Variants in COP1 observed in about 807,000 individuals in gnomAD.
COP1 encodes COP1 E3 ubiquitin ligase.
In COP1, 24 loss-of-function variants were observed where a neutral mutation model predicts 101.3. The ratio of observed to expected loss-of-function variants is 0.24; its 90% CI spans 0.17 to 0.33. The LOEUF (loss-of-function observed/expected upper bound fraction) is 0.33. COP1 is among the 10% of genes least tolerant of loss of function. The pLI, the probability that COP1 is intolerant of heterozygous loss-of-function variation, is 1.00. For synonymous variants in COP1, 347 were observed against 341.9 expected (o/e 1.01, Z -0.17); for missense variants, 663 against 906.2 (o/e 0.73, Z 3.45).
rs139547674 is a variant in COP1 at position 176,062,939 on chromosome 1, T to C, written c.1278-16615A>G. 3.0e-3 allele frequency among the ~76,000 whole-genome samples: 463 copies of C among 152,182 alleles called. 2 individuals carry two copies. Among genetic ancestry groups the C allele is most frequent in the African/African-American group, 0.01 (430 of 41,526 alleles). On this transcript the variant is annotated intron_variant, in intron 11 of 19. Transcript: ENST00000367669. ...CCACTTATAAGAAATTTTTAAATGGTTGAATTATTGTATAGTGACAGAAAG... is the reference window on the plus strand; with the variant it reads ...CCACTTATAAGAAATTTTTAAATGGCTGAATTATTGTATAGTGACAGAAAG...
At chr1:176,135,623 A>T (rs780396692) in intron 7 of COP1, among the ~76,000 whole-genome samples, 23 of 152,052 alleles carry the variant, frequency 1.5e-4, no homozygotes, top group Admixed American at 1.3e-4. Context: ...CTTAGACTCT[A>T]ATTTTTGATC....
intron 15 of COP1, among the ~76,000 whole-genome samples, chr1:176,004,709 A>G (rs1437644381): frequency 2.0e-5 from 3 of 149,158 alleles, no homozygotes; most frequent in Non-Finnish European, 4.5e-5. Context: ...AGCCCACTTG[A>G]TCATGGTGGA....
At chr1:175,955,766 C>CCCCACACACACACACACA (rs1553275349) in intron 18 of COP1, among the ~76,000 whole-genome samples, 1 of 129,192 alleles carries the variant, frequency 7.7e-6, no homozygotes, top group Admixed American at 8.1e-5. Context: ...TAGAGACAAA[C>CCCCACACACACACACACA]CACACACACA....
intron 19 of COP1, 140 bp from the exon 20 acceptor site, chr1:175,945,310 ATGGAT>A (rs1468908116): frequency 1.6e-6 from 1 of 624,518 alleles, no homozygotes; most frequent in African/African-American, 1.9e-5. Flanking sequence ...AAGAATTTGA[ATGGAT>A]TGGACATTAA....
intron 15 of COP1, among the ~76,000 whole-genome samples, chr1:176,005,500 T>C (rs1316379175): frequency 1.2e-4 from 18 of 152,170 alleles, no homozygotes; most frequent in African/African-American, 4.3e-4. Flanking sequence ...GTGCTATAAA[T>C]TTCCCTCTAC....
Position 175,989,445 on chromosome 1 carries a change from A to G in COP1, c.1764T>C (p.Thr588=). Residue 588 remains threonine (T), a synonymous_variant, in exon 16 of 20, where the codon ACT becomes ACC. Transcript: ENST00000367669. The stretch of plus-strand genomic sequence containing the variant: ...CTTTGAATACCATGATTGGCTGTTT[A>G]GTGTTACGAAGATCATAGTAGTGGA... ...HCVHYYDLRN[T]KQPIMVFKGH... The G allele has an allele frequency of 6.2e-7, 1 of 1,604,978 alleles. No homozygotes were observed.
At chr1:176,009,648 G>A (rs566157715) in intron 15 of COP1, among the ~76,000 whole-genome samples, 1 of 152,084 alleles carries the variant, frequency 6.6e-6, no homozygotes, top group African/African-American at 2.4e-5. Context: ...ATGTTGAGTG[G>A]TGACTTATTT....
At chr1:176,189,533 C>A (rs994205861) in intron 1 of COP1, among the ~76,000 whole-genome samples, 2 of 151,240 alleles carry the variant, frequency 1.3e-5, no homozygotes, top group African/African-American at 4.9e-5. Context: ...CATTTTCAAA[C>A]AAACACAAAT....
chr1:176,059,766 C>A (rs1674524841), intron 11 of COP1, among the ~76,000 whole-genome samples: 1 of 152,098 alleles, frequency 6.6e-6, no homozygotes, highest in Non-Finnish European at 1.5e-5. Context: ...CAGGTGTGAG[C>A]CATTGATATC....
At chr1:176,122,265 T>C (rs1470780275) in intron 8 of COP1, among the ~76,000 whole-genome samples, 1 of 152,086 alleles carries the variant, frequency 6.6e-6, no homozygotes, top group Admixed American at 6.5e-5. Flanking sequence ...TCTGAACACA[T>C]CTGACATCAT....
chr1:176,129,567 C>T (rs550371323), intron 8 of COP1, among the ~76,000 whole-genome samples: 38 of 151,906 alleles, frequency 2.5e-4, no homozygotes, highest in African/African-American at 8.7e-4. Flanking sequence ...CATTTATTTA[C>T]TACCTTAGAA....
chr1:176,175,810 C>T (rs1696854378), intron 3 of COP1, 100 bp downstream of exon 3: 1 of 630,198 alleles, frequency 1.6e-6, no homozygotes, highest in Non-Finnish European at 2.8e-6. Context: ...TAGAGAGAGA[C>T]TTGCTTACCA....
At chr1:176,071,112 T>C (rs927655535) in intron 11 of COP1, among the ~76,000 whole-genome samples, 1 of 152,232 alleles carries the variant, frequency 6.6e-6, no homozygotes, top group Non-Finnish European at 1.5e-5. Context: ...AGGTAGGGCC[T>C]GATGGGAGGT....
chr1:175,994,638 C>G (rs12069554), intron 15 of COP1, among the ~76,000 whole-genome samples: 1,677 of 152,204 alleles, frequency 0.011, 27 homozygotes, highest in East Asian at 0.036. Context: ...AAGATCAAAA[C>G]AGACAAAGAA....
chr1:176,111,405 T>C (rs1450899229), intron 9 of COP1, among the ~76,000 whole-genome samples: 2 of 152,024 alleles, frequency 1.3e-5, no homozygotes, highest in African/African-American at 2.4e-5. Flanking sequence ...GCAATTCTCC[T>C]GCCTCAGCCT....
chr1:176,207,004 C>T lies in COP1; in HGVS notation c.-26G>A, dbSNP rs1338087573. 2.9e-6 allele frequency: 4 copies of T among 1,367,394 alleles called. No homozygotes were observed. Among genetic ancestry groups the T allele is most frequent in the East Asian group, 3.1e-5 (1 of 32,382 alleles). 84.7% of individuals were successfully genotyped at this position (1,367,394 alleles called of 1,614,324 possible). ...CGTGACTCCCTCCCCTCCAGCCGGG[C>T]GCTCGGAGGAGAGGGACCGCGACCT... On this transcript the variant is annotated 5_prime_UTR_variant, in exon 1 of 20. Coordinates refer to ENST00000367669, the MANE Select transcript of COP1 (RefSeq NM_022457.7).
intron 15 of COP1, among the ~76,000 whole-genome samples, chr1:176,024,896 T>C (rs1667402049): frequency 6.6e-6 from 1 of 152,048 alleles, no homozygotes; most frequent in Non-Finnish European, 1.5e-5. Context: ...ACTTCTACAC[T>C]GAAAATTACA....
At chr1:176,042,895 G>A (rs1670872351) in intron 14 of COP1, among the ~76,000 whole-genome samples, 1 of 151,796 alleles carries the variant, frequency 6.6e-6, no homozygotes, top group Non-Finnish European at 1.5e-5. Context: ...CAGGCATGGT[G>A]GCACGTGGCT....
At chr1:176,106,606 C>T (rs1470556355) in intron 9 of COP1, among the ~76,000 whole-genome samples, 2 of 152,130 alleles carry the variant, frequency 1.3e-5, no homozygotes, top group Admixed American at 1.3e-4. Flanking sequence ...TATGCCCCCA[C>T]CCAGCAATTG....
Sources: gnomAD v4.1 joint callset for allele counts (sites outside exome capture counted in the v4.1 genomes callset) on GRCh38, gnomAD v4.1.1 for gene constraint, MANE v1.5 for transcripts, NCBI Gene and HGNC (gene_info 2026-07-23, HGNC 2026-07-21) for gene names.